TTC7B: variants seen among roughly 807,000 people sequenced by gnomAD.
The protein encoded by TTC7B is tetratricopeptide repeat protein 7B.
In TTC7B, 28 loss-of-function variants were observed where a neutral mutation model predicts 106.8. The ratio of observed to expected loss-of-function variants is 0.26; its 90% CI spans 0.19 to 0.36. TTC7B has a LOEUF of 0.36. TTC7B is among the 10% of genes least tolerant of loss of function. The pLI, the probability that TTC7B is intolerant of heterozygous loss-of-function variation, is 1.00. For synonymous variants in TTC7B, 405 were observed against 430.6 expected (o/e 0.94, Z 0.74); for missense variants, 862 against 1,076.4 (o/e 0.80, Z 2.79).
At chr14:90,605,496 T>C (rs1892600313) in intron 17 of TTC7B, 1 of 992,176 alleles carries the variant, frequency 1.0e-6, no homozygotes, top group African/African-American at 1.8e-5. Flanking sequence ...CTCTGACAAG[T>C]CTGATGAAGT....
intron 9 of TTC7B, among the ~76,000 whole-genome samples, chr14:90,667,234 G>A (rs1467166926): frequency 6.6e-6 from 1 of 152,188 alleles, no homozygotes; most frequent in Admixed American, 6.5e-5. Context: ...TTGAATGAAG[G>A]CTGGACAGAG....
intron 5 of TTC7B, among the ~76,000 whole-genome samples, chr14:90,719,132 TG>T (rs1273759345): frequency 6.6e-6 from 1 of 151,950 alleles, no homozygotes; most frequent in Non-Finnish European, 1.5e-5. Context: ...AAAAATTAGC[TG>T]GGCCTGGTGG....
intron 6 of TTC7B, among the ~76,000 whole-genome samples, chr14:90,692,416 A>C (rs1887511769): frequency 6.6e-6 from 1 of 152,212 alleles, no homozygotes; most frequent in Non-Finnish European, 1.5e-5. Flanking sequence ...TTTCCATCTC[A>C]TAAGAATATT....
Position 90,759,748 on chromosome 14 carries a change from C to T in TTC7B, c.446-14826G>A, listed in dbSNP as rs1890436779. Among the ~76,000 whole-genome samples, 1 of 152,194 alleles carries T rather than the reference C, an allele frequency of 6.6e-6. No individual in the cohort carries two copies. The highest frequency in any genetic ancestry group is 6.5e-5 in the Admixed American group (1 of 15,286). ...GAAATGGAGTGGATCTCAGAATATA[C>T]TGAGAAGTTTGCCCTTTTGCTTAGG... On this transcript the variant is annotated intron_variant, in intron 3 of 19. Coordinates refer to ENST00000328459, the MANE Select transcript of TTC7B (RefSeq NM_001010854.2). The surrounding 1 kb of genome is among the most constrained non-coding windows in gnomAD (Gnocchi z 4.1).
intron 19 of TTC7B, among the ~76,000 whole-genome samples, chr14:90,544,726 G>T (rs919316757): frequency 6.6e-6 from 1 of 152,132 alleles, no homozygotes; most frequent in Non-Finnish European, 1.5e-5. Context: ...TCTGGGTAGC[G>T]GCCCTGAGCA....
intron 19 of TTC7B, among the ~76,000 whole-genome samples, chr14:90,573,751 C>T (rs1236431761): frequency 6.6e-6 from 1 of 152,220 alleles, no homozygotes; most frequent in Non-Finnish European, 1.5e-5. Context: ...CCCTGGCTGA[C>T]CCCTGCCATC....
At chr14:90,603,524 T>C (rs1032350041) in intron 17 of TTC7B, among the ~76,000 whole-genome samples, 1 of 152,138 alleles carries the variant, frequency 6.6e-6, no homozygotes, top group African/African-American at 2.4e-5. Flanking sequence ...TCCATTGAAA[T>C]GTTCACCCAG....
chr14:90,673,478 G>A (rs1886710473), intron 9 of TTC7B, among the ~76,000 whole-genome samples: 1 of 152,346 alleles, frequency 6.6e-6, no homozygotes, highest in East Asian at 1.9e-4. Flanking sequence ...CTGAACAGAA[G>A]GATGGCATGT....
In TTC7B at chr14:90,541,459, T is replaced by C; in HGVS notation, c.2441A>G (p.Asp814Gly). ...LGEVLQAQGN[D>G]AAATECFLTA... ...CAGGAAGCACTCCGTAGCCGCCGCA[T>C]CGTTGCCCTGAGCTTGGAGGACCTC... The change falls in exon 20 of 20, where the codon GAT becomes GGT. Residue 814 changes from aspartate (D) to glycine (G), a missense_variant. By Grantham distance (94) the Asp-to-Gly change is moderately conservative (BLOSUM62 -1). Coordinates refer to ENST00000328459, the MANE Select transcript of TTC7B (RefSeq NM_001010854.2). 1.2e-6 allele frequency: 2 copies of C among 1,614,026 alleles called. No homozygotes were observed. Among genetic ancestry groups the C allele is most frequent in the Non-Finnish European group, 1.7e-6 (2 of 1,179,996 alleles).
chr14:90,549,957 G>C (rs1326320346), intron 19 of TTC7B, among the ~76,000 whole-genome samples: 2 of 152,076 alleles, frequency 1.3e-5, no homozygotes, highest in Non-Finnish European at 2.9e-5. Flanking sequence ...GAGATCATAA[G>C]ACTGATGGAA....
chr14:90,560,984 G>T (rs1890550567), intron 19 of TTC7B, among the ~76,000 whole-genome samples: 1 of 152,214 alleles, frequency 6.6e-6, no homozygotes, highest in South Asian at 2.1e-4. Context: ...GCTTTGAAAG[G>T]CCTGGAAAAA....
At chr14:90,731,865 A>C (rs1312013849) in intron 4 of TTC7B, among the ~76,000 whole-genome samples, 3 of 152,230 alleles carry the variant, frequency 2.0e-5, no homozygotes, top group African/African-American at 7.2e-5. Flanking sequence ...CAACTCACAT[A>C]TCCAACTGCT....
At chr14:90,690,994 G>A (rs1887447214) in intron 6 of TTC7B, among the ~76,000 whole-genome samples, 1 of 152,238 alleles carries the variant, frequency 6.6e-6, no homozygotes, top group South Asian at 2.1e-4. Context: ...ATCCCCAACT[G>A]AGCAATCTGT....
At chr14:90,679,026 C>G (rs1886944873) in intron 8 of TTC7B, among the ~76,000 whole-genome samples, 1 of 152,188 alleles carries the variant, frequency 6.6e-6, no homozygotes, top group Non-Finnish European at 1.5e-5. Context: ...CCATGGATGA[C>G]CCGGTGGGGA....
chr14:90,578,058 G>A lies in TTC7B; in HGVS notation c.2310+48C>T. On this transcript the variant is annotated intron_variant, in intron 19 of 19. Coordinates refer to ENST00000328459, the MANE Select transcript of TTC7B (RefSeq NM_001010854.2). The surrounding 1 kb of genome is among the most constrained non-coding windows in gnomAD (Gnocchi z 4.7). Reference sequence around the variant, plus strand: ...CATGTGCTACCTGCCGCTTCCAAGGGCTGTCCCCATGCCAGAGTAGGGGCC... The same window carrying A: ...CATGTGCTACCTGCCGCTTCCAAGGACTGTCCCCATGCCAGAGTAGGGGCC... 1 of 1,562,046 alleles carries A rather than the reference G, an allele frequency of 6.4e-7. No individual in the cohort carries two copies. Among genetic ancestry groups the A allele is most frequent in the Non-Finnish European group, 8.7e-7 (1 of 1,152,618 alleles).
At chr14:90,810,701 A>G (rs1348578244) in intron 1 of TTC7B, among the ~76,000 whole-genome samples, 3 of 152,214 alleles carry the variant, frequency 2.0e-5, no homozygotes, top group Non-Finnish European at 4.4e-5. Flanking sequence ...GCACAGTTTG[A>G]AAACTGCTAC....
chr14:90,810,270 A>G (rs2030827040), intron 1 of TTC7B, among the ~76,000 whole-genome samples: 2 of 152,176 alleles, frequency 1.3e-5, no homozygotes, highest in South Asian at 4.1e-4. Flanking sequence ...TAAACATAAC[A>G]TGTTTCAAAA....
chr14:90,571,621 G>T (rs1247443791), intron 19 of TTC7B, among the ~76,000 whole-genome samples: 1 of 152,172 alleles, frequency 6.6e-6, no homozygotes, highest in Admixed American at 6.5e-5. Flanking sequence ...ATGAAGTTTT[G>T]TTTCCTGCCA....
At chr14:90,715,266 C>G (rs1327790256) in intron 5 of TTC7B, among the ~76,000 whole-genome samples, 2 of 152,210 alleles carry the variant, frequency 1.3e-5, no homozygotes, top group East Asian at 3.8e-4. Flanking sequence ...TGAGGATACT[C>G]TGCCACCTAG....
Sources: gnomAD v4.1 joint callset for allele counts (sites outside exome capture counted in the v4.1 genomes callset) on GRCh38, gnomAD v4.1.1 for gene constraint, Gnocchi (gnomAD v3.1) non-coding constraint, MANE v1.5 for transcripts, NCBI Gene and HGNC (gene_info 2026-07-23, HGNC 2026-07-21) for gene names.